EXPH5: variants seen among roughly 807,000 people sequenced by gnomAD.
EXPH5 encodes exophilin-5.
A neutral mutation model predicts 41.1 loss-of-function variants in EXPH5; 42 were observed. The ratio of observed to expected loss-of-function variants is 1.02; its 90% CI spans 0.80 to 1.32. The LOEUF is 1.32. Ranked by LOEUF, EXPH5 falls within the 40% of genes most tolerant of loss-of-function variation. The pLI, the probability that EXPH5 is intolerant of heterozygous loss-of-function variation, is 0.00. For synonymous variants in EXPH5, 798 were observed against 833.5 expected, an observed-to-expected ratio of 0.96 and a Z score of 0.73; for missense variants, 2,298 against 2,314.5, an observed-to-expected ratio of 0.99 and a Z score of 0.15.
chr11:108,506,682 A>C lies in EXPH5; in HGVS notation c.*2855T>G, dbSNP rs1044912254. 5 of 152,214 alleles carry C rather than the reference A, an allele frequency of 3.3e-5. No homozygotes were observed. The highest frequency in any genetic ancestry group is 1.2e-4 in the African/African-American group (5 of 41,462). 9.4% of individuals were successfully genotyped at this position (152,214 alleles called of 1,614,324 possible). A position where few individuals can be genotyped will look rare whatever the true frequency, so the allele number is the denominator to read the frequency against. On this transcript the variant is annotated 3_prime_UTR_variant, in exon 6 of 6. Transcript: ENST00000265843. ...GAAAATGTAGGTCATGGTTTATTAAAGTTTTACTTAAATAATCAGATAAAT... is the reference window on the plus strand; with the variant it reads ...GAAAATGTAGGTCATGGTTTATTAACGTTTTACTTAAATAATCAGATAAAT...
At chr11:108,536,980 G>A (rs1366737455) in intron 3 of EXPH5, among the ~76,000 whole-genome samples, 2 of 152,202 alleles carry the variant, frequency 1.3e-5, no homozygotes, top group African/African-American at 2.4e-5. Flanking sequence ...GAGGATGACT[G>A]TGTGTCCCTG....
At chr11:108,565,138 T>C (rs2094029211) in intron 1 of EXPH5, among the ~76,000 whole-genome samples, 1 of 152,076 alleles carries the variant, frequency 6.6e-6, no homozygotes, top group South Asian at 2.1e-4. Context: ...ACTCCTGACC[T>C]CAGGTGATCC....
At chr11:108,560,604 T>C (rs2136077857) in intron 1 of EXPH5, among the ~76,000 whole-genome samples, 1 of 152,368 alleles carries the variant, frequency 6.6e-6, no homozygotes, top group African/African-American at 2.4e-5. Flanking sequence ...CATATTGTTT[T>C]CATATGGTAT....
At chr11:108,601,675 ACTCT>A in the EXPH5 span, among the ~76,000 whole-genome samples, 111 of 151,604 alleles carry the variant, frequency 7.3e-4, 1 homozygote, top group Middle Eastern at 0.01. Flanking sequence ...AATGATGGAA[ACTCT>A]CTTTCTTTCT....
intron 1 of EXPH5, among the ~76,000 whole-genome samples, chr11:108,544,081 A>C (rs951026512): frequency 1.3e-5 from 2 of 152,152 alleles, no homozygotes; most frequent in African/African-American, 4.8e-5. Flanking sequence ...CATCGGTCTC[A>C]TTTCAGGAGA....
chr11:108,524,005 C>A (rs981581568), intron 4 of EXPH5, among the ~76,000 whole-genome samples: 2 of 152,184 alleles, frequency 1.3e-5, no homozygotes, highest in African/African-American at 4.8e-5. Context: ...AGCACATGAG[C>A]TCTACATAGG....
Position 108,593,468 on chromosome 11 carries a change from C to T in EXPH5, c.69G>A (p.Gln23=). The T allele has an allele frequency of 6.2e-7, 1 of 1,614,242 alleles. No homozygotes were observed. Among genetic ancestry groups the T allele is most frequent in the South Asian group, 1.1e-5 (1 of 91,086 alleles). Residue 23 remains glutamine, a synonymous_variant, in exon 1 of 6, where the codon CAG becomes CAA. Coordinates refer to ENST00000265843, the MANE Select transcript of EXPH5 (RefSeq NM_015065.3). ...GTAACTCCTCATTCCTTTCCAGCAC[C>T]TGAAGGATCTTCCTGGCCTCTTCGT... is the stretch of plus-strand genomic sequence containing the variant. ...LNDEEARKIL[Q]VLERNEELQR... is the part of the protein sequence containing the mutation.
chr11:108,565,174 G>A (rs551026033), intron 1 of EXPH5, among the ~76,000 whole-genome samples: 1 of 152,176 alleles, frequency 6.6e-6, no homozygotes, highest in South Asian at 2.1e-4. Context: ...CCAAAGTGCC[G>A]GGATTACAAG....
Position 108,510,135 on chromosome 11 carries a change from A to T in EXPH5, c.5372T>A (p.Leu1791His). 1 of 1,613,934 alleles carries T rather than the reference A, an allele frequency of 6.2e-7. No homozygotes were observed. Residue 1791 changes from leucine to histidine, a missense_variant, in exon 6 of 6, where the codon CTC (leucine) becomes CAC (histidine). Coordinates refer to ENST00000265843, the MANE Select transcript of EXPH5 (RefSeq NM_015065.3). ...SSLEWEPEPHLYRSKSLKSIN... is the reference protein window; with the variant it reads ...SSLEWEPEPHHYRSKSLKSIN... ...GCTTTTTAAACTCTTTGAACGATAG[A>T]GGTGTGGCTCAGGTTCCCACTCCAG...
the EXPH5 span, among the ~76,000 whole-genome samples, chr11:108,600,856 T>G: frequency 1.3e-5 from 2 of 152,266 alleles, no homozygotes; most frequent in African/African-American, 4.8e-5. Flanking sequence ...CAGGTGTTTA[T>G]TGTCTAGTGA....
intron 1 of EXPH5, among the ~76,000 whole-genome samples, chr11:108,557,490 C>T (rs1242048326): frequency 4.6e-5 from 7 of 152,110 alleles, no homozygotes; most frequent in Admixed American, 3.3e-4. Flanking sequence ...GGATTCCAGG[C>T]GCCTGCCACC....
Position 108,513,754 on chromosome 11 carries a change from T to G in EXPH5, c.1753A>C (p.Met585Leu). Residue 585 changes from methionine (M) to leucine (L), a missense_variant, in exon 6 of 6, where the codon ATG becomes CTG. Transcript: ENST00000265843. ...TTGACGTGATAGCTTGAACCAGTCATGGAGCAAACATTTGGTGTGCCAAAA... is the reference window on the plus strand; with the variant it reads ...TTGACGTGATAGCTTGAACCAGTCAGGGAGCAAACATTTGGTGTGCCAAAA... The part of the protein sequence containing the change: ...PHFGTPNVCS[M>L]TGSSYHVKSS... The G allele has an allele frequency of 1.2e-6, 2 of 1,609,122 alleles. No individual in the cohort carries two copies. Among genetic ancestry groups the G allele is most frequent in the East Asian group, 2.2e-5 (1 of 44,872 alleles).
chr11:108,537,017 G>T (rs968916405), intron 3 of EXPH5, among the ~76,000 whole-genome samples: 3 of 152,184 alleles, frequency 2.0e-5, no homozygotes, highest in Non-Finnish European at 2.9e-5. Flanking sequence ...CTCCCAGGGT[G>T]CTCGTAGGTA....
chr11:108,550,954 T>C (rs1386104350), intron 1 of EXPH5, among the ~76,000 whole-genome samples: 1 of 152,072 alleles, frequency 6.6e-6, no homozygotes, highest in Admixed American at 6.5e-5. Context: ...CATTGGGAAA[T>C]CTTATAAAGC....
intron 3 of EXPH5, among the ~76,000 whole-genome samples, chr11:108,536,576 A>T (rs887833008): frequency 2.6e-5 from 4 of 151,976 alleles, no homozygotes; most frequent in African/African-American, 9.7e-5. Context: ...TTCTTTTTGG[A>T]TTTTTACAAA....
chr11:108,585,005 A>G (rs2094109265), intron 1 of EXPH5, among the ~76,000 whole-genome samples: 1 of 152,234 alleles, frequency 6.6e-6, no homozygotes, highest in Admixed American at 6.5e-5. Flanking sequence ...CTGGTGTTCA[A>G]CAGGAGACTT....
chr11:108,583,335 G>A (rs956145022), intron 1 of EXPH5, among the ~76,000 whole-genome samples: 1 of 151,138 alleles, frequency 6.6e-6, no homozygotes, highest in Non-Finnish European at 1.5e-5. Flanking sequence ...TCGCACGACT[G>A]CACTCCAGCC....
intron 4 of EXPH5, among the ~76,000 whole-genome samples, chr11:108,524,732 T>C (rs1020137337): frequency 6.6e-6 from 1 of 152,220 alleles, no homozygotes; most frequent in Admixed American, 6.5e-5. Context: ...AATGCCTTGG[T>C]AAAATCAACA....
chr11:108,572,982 G>A (rs1269471549), intron 1 of EXPH5, among the ~76,000 whole-genome samples: 5 of 151,784 alleles, frequency 3.3e-5, no homozygotes, highest in East Asian at 3.9e-4. Context: ...CTGGGAGGAC[G>A]AGGCAGGAGG....
Sources: gnomAD v4.1 joint callset for allele counts (sites outside exome capture counted in the v4.1 genomes callset) on GRCh38, gnomAD v4.1.1 for gene constraint, MANE v1.5 for transcripts, NCBI Gene and HGNC (gene_info 2026-07-23, HGNC 2026-07-21) for gene names.